Variants in FAM53A observed in about 807,000 individuals in gnomAD.
The protein encoded by FAM53A is protein FAM53A.
FAM53A carries 28 observed loss-of-function variants against 26.6 expected under a neutral mutation model. That is an observed-to-expected ratio of 1.05 (90% confidence interval 0.78 to 1.45). The LOEUF (loss-of-function observed/expected upper bound fraction) is 1.45. Ranked by LOEUF, FAM53A falls within the 40% of genes most tolerant of loss-of-function variation. FAM53A has a pLI of 0.00. For synonymous variants in FAM53A, 290 were observed against 253.1 expected (o/e 1.15, Z -1.38); for missense variants, 650 against 575.8 (o/e 1.13, Z -1.32).
the FAM53A span, among the ~76,000 whole-genome samples, chr4:1,599,931 A>C: frequency 1.4e-5 from 2 of 141,236 alleles, no homozygotes; most frequent in African/African-American, 2.7e-5. This position sits in a 1 kb window ranked among gnomAD's most constrained non-coding sequence, Gnocchi z 6.1. Flanking sequence ...TCCCCCTCCT[A>C]TTTCCTCTCC....
chr4:1,646,822 GTTTC>G (rs1290370073), intron 4 of FAM53A, among the ~76,000 whole-genome samples: 2 of 152,158 alleles, frequency 1.3e-5, no homozygotes, highest in African/African-American at 4.8e-5. Flanking sequence ...ATAGGAAGCT[GTTTC>G]TTTCTCTGCA....
intron 1 of FAM53A, among the ~76,000 whole-genome samples, chr4:1,621,815 A>G (rs1173835508): frequency 6.6e-6 from 1 of 152,192 alleles, no homozygotes; most frequent in Non-Finnish European, 1.5e-5. Flanking sequence ...TGTTGGGGGA[A>G]TATCCCTGCG....
At chr4:1,636,884 T>TG (rs56041921), downstream of FAM53A, among the ~76,000 whole-genome samples, 5,139 of 150,776 alleles carry the variant, frequency 0.034, 223 homozygotes, top group African/African-American at 0.1. Flanking sequence ...CTGCTCTTGC[T>TG]GGGGGGGGGT....
At chr4:1,598,208 G>A in the FAM53A span, among the ~76,000 whole-genome samples, 1 of 152,178 alleles carries the variant, frequency 6.6e-6, no homozygotes, top group African/African-American at 2.4e-5. Flanking sequence ...GAAGATTCTG[G>A]GAGAAAAACA....
At chr4:1,626,287 CG>C (rs1156419282) in intron 1 of FAM53A, among the ~76,000 whole-genome samples, 3 of 152,216 alleles carry the variant, frequency 2.0e-5, no homozygotes, top group African/African-American at 7.2e-5. Flanking sequence ...CATGAACAGA[CG>C]GTGGCCGTCA....
intron 4 of FAM53A, 119 bp downstream of exon 4, chr4:1,654,859 G>T (rs1336133136): frequency 1.5e-6 from 2 of 1,363,500 alleles, no homozygotes; most frequent in East Asian, 2.7e-5. Flanking sequence ...TTTCCTCCCA[G>T]CCCAGAGAAG....
At chr4:1,594,356 C>A in the FAM53A span, among the ~76,000 whole-genome samples, 1 of 152,152 alleles carries the variant, frequency 6.6e-6, no homozygotes, top group Non-Finnish European at 1.5e-5. Flanking sequence ...TGTGGGGGGA[C>A]CCTGGGCAGG....
intron 4 of FAM53A, among the ~76,000 whole-genome samples, chr4:1,652,918 G>T (rs1712997466): frequency 7.5e-6 from 1 of 132,722 alleles, no homozygotes; most frequent in African/African-American, 2.9e-5. Flanking sequence ...ACACCAGACA[G>T]CACTCACCAC....
intron 1 of FAM53A, among the ~76,000 whole-genome samples, chr4:1,682,078 C>G (rs563050774): frequency 4.6e-5 from 7 of 152,232 alleles, no homozygotes; most frequent in African/African-American, 1.4e-4. Context: ...AGAAACCACC[C>G]ACTTCATGAG....
At chr4:1,605,224 A>G in the FAM53A span, among the ~76,000 whole-genome samples, 1 of 152,102 alleles carries the variant, frequency 6.6e-6, no homozygotes, top group African/African-American at 2.4e-5. This position sits in a 1 kb window ranked among gnomAD's most constrained non-coding sequence, Gnocchi z 5.7. Context: ...CCGCTCCACA[A>G]CGTCGGAGGC....
chr4:1,683,099 G>A (rs1027788785), intron 1 of FAM53A, among the ~76,000 whole-genome samples: 1 of 152,226 alleles, frequency 6.6e-6, no homozygotes, highest in African/African-American at 2.4e-5. Flanking sequence ...GGACAATGGC[G>A]CCGGACGAGG....
chr4:1,587,427 T>C, the FAM53A span, among the ~76,000 whole-genome samples: 3 of 152,156 alleles, frequency 2.0e-5, no homozygotes, highest in African/African-American at 7.2e-5. Flanking sequence ...ATCCCAGCAC[T>C]TTGAAAGGCC....
At chr4:1,617,147 A>T (rs1714840584), downstream of FAM53A, among the ~76,000 whole-genome samples, 1 of 126,422 alleles carries the variant, frequency 7.9e-6, no homozygotes, top group South Asian at 2.5e-4. Context: ...TTTAAAAAAA[A>T]GTTTCATTTA....
At chr4:1,683,636 G>A (rs1198032776) in intron 1 of FAM53A, 1 of 152,178 alleles carries the variant, frequency 6.6e-6, no homozygotes, top group Non-Finnish European at 1.5e-5. Context: ...AAGTGCTTTA[G>A]AGTTATGGAA....
intron 4 of FAM53A, chr4:1,644,431 G>A (rs1712054948): frequency 1.4e-6 from 2 of 1,467,770 alleles, no homozygotes; most frequent in African/African-American, 1.4e-5. Context: ...CACGGCAGCT[G>A]TACAGCTCAG....
the FAM53A span, among the ~76,000 whole-genome samples, chr4:1,599,023 C>A: frequency 6.6e-6 from 1 of 152,264 alleles, no homozygotes; most frequent in Non-Finnish European, 1.5e-5. The surrounding 1 kb of genome is among the most constrained non-coding windows in gnomAD (Gnocchi z 6.1). Flanking sequence ...CGCGTTCCTT[C>A]CCCGGCCCGC....
At chr4:1,643,331 T>C (rs564909454) in intron 4 of FAM53A, among the ~76,000 whole-genome samples, 3 of 151,752 alleles carry the variant, frequency 2.0e-5, no homozygotes, top group Non-Finnish European at 4.4e-5. Flanking sequence ...CCAGGCGTGG[T>C]GGCGGGCGCC....
chr4:1,678,732 GA>G (rs543107278), intron 1 of FAM53A, among the ~76,000 whole-genome samples: 6 of 152,028 alleles, frequency 3.9e-5, no homozygotes, highest in Non-Finnish European at 7.4e-5. Flanking sequence ...TGAGGCAGGA[GA>G]ATCACTTGAA....
At chr4:1,586,790 AAAAAAAAAG>A in the FAM53A span, among the ~76,000 whole-genome samples, 2 of 151,072 alleles carry the variant, frequency 1.3e-5, no homozygotes, top group East Asian at 1.9e-4. Flanking sequence ...CTCAAAAAAA[AAAAAAAAAG>A]AAGAAGAAGT....
Sources: gnomAD v4.1 joint callset for allele counts (sites outside exome capture counted in the v4.1 genomes callset) on GRCh38, gnomAD v4.1.1 for gene constraint, Gnocchi (gnomAD v3.1) non-coding constraint, MANE v1.5 for transcripts, NCBI Gene and HGNC (gene_info 2026-07-23, HGNC 2026-07-21) for gene names.